The following RAB19 variants were observed in gnomAD, a reference collection of about 807,000 sequenced individuals.
RAB19 encodes the protein ras-related protein Rab-19.
Under a neutral mutation model 17.3 loss-of-function variants are expected in RAB19, and 21 were observed. That is an observed-to-expected ratio of 1.21 (90% CI 0.86 to 1.74). The LOEUF is 1.74. Among genes scored for constraint, RAB19 ranks in the 40% most tolerant of loss-of-function variants. The pLI is 0.00. For synonymous variants in RAB19, 126 were observed against 110.4 expected, an observed-to-expected ratio of 1.14 and a Z score of -0.88; for missense variants, 277 against 286.8, an observed-to-expected ratio of 0.97 and a Z score of 0.25.
At chr7:140,423,475 A>G (rs1799598301) in intron 3 of RAB19, among the ~76,000 whole-genome samples, 1 of 152,080 alleles carries the variant, frequency 6.6e-6, no homozygotes, top group Non-Finnish European at 1.5e-5. Flanking sequence ...GTCCATGCAT[A>G]CTATGGAATA....
At chr7:140,422,616 G>A (rs571300760) in intron 3 of RAB19, among the ~76,000 whole-genome samples, 1 of 149,900 alleles carries the variant, frequency 6.7e-6, no homozygotes, top group East Asian at 1.9e-4. Context: ...TCACTCCACT[G>A]CACTCCAGCC....
intron 3 of RAB19, among the ~76,000 whole-genome samples, chr7:140,425,147 G>A (rs370968609): frequency 1.4e-4 from 22 of 152,016 alleles, no homozygotes; most frequent in East Asian, 9.7e-4. Flanking sequence ...TTAGCCAGGC[G>A]TGGTGGCATT....
chr7:140,425,724 C>CAA (rs71761236), intron 3 of RAB19, among the ~76,000 whole-genome samples, 158 bp from the exon 4 acceptor site: 36,383 of 140,392 alleles, frequency 0.26, 4,621 homozygotes, highest in Non-Finnish European at 0.3. Flanking sequence ...AACTCCATCT[C>CAA]AAAAAAAAAA....
intron 2 of RAB19, chr7:140,411,014 C>A: frequency 7.3e-7 from 1 of 1,367,792 alleles, no homozygotes. Context: ...GTATTCAGAT[C>A]CACGGGCAGA....
At chr7:140,422,713 G>A (rs1051290694) in intron 3 of RAB19, among the ~76,000 whole-genome samples, 1 of 152,016 alleles carries the variant, frequency 6.6e-6, no homozygotes, top group Non-Finnish European at 1.5e-5. Context: ...TGATTTGAGA[G>A]GCTGACTGCT....
At position 140,407,741 on chromosome 7, in the gene RAB19, G is replaced by A. The variant is rs1182607982; in HGVS notation, c.95G>A (p.Cys32Tyr). The A allele has an allele frequency of 1.9e-6, 3 of 1,613,852 alleles. No individual in the cohort carries two copies. The highest frequency in any genetic ancestry group is 2.5e-6 in the Non-Finnish European group (3 of 1,179,980). ...GGGGATTCCAATGTGGGGAAGACGT[G>A]TGTGGTGCAGCATTTCAAGTCTGGA... ...LIGDSNVGKT[C>Y]VVQHFKSGVY... is the part of the protein sequence containing the mutation. The change falls in exon 2 of 4, where the codon TGT (cysteine) becomes TAT (tyrosine). Residue 32 changes from cysteine to tyrosine, a missense_variant. Physicochemically the swap from Cys to Tyr is radical, Grantham distance 194. Coordinates refer to ENST00000537763, the MANE Select transcript of RAB19 (RefSeq NM_001008749.3).
rs537552353 is a variant in RAB19 at position 140,413,093 on chromosome 7, T to C, written c.385+1036T>C. Among the ~76,000 whole-genome samples, 3 of 152,172 alleles carry C rather than the reference T, an allele frequency of 2.0e-5. No individual in the cohort carries two copies. The East Asian group carries it at 5.9e-4, about 30-fold the overall frequency. ...GTAAGCTGAGACTATACCATTGCAC[T>C]CCATATGGGTATCCAGTTTTCCCAG... is the stretch of plus-strand genomic sequence containing the variant. On this transcript the variant is annotated intron_variant, in intron 3 of 3. Coordinates refer to ENST00000537763, the MANE Select transcript of RAB19 (RefSeq NM_001008749.3).
At chr7:140,409,841 A>G (rs1219434005) in intron 2 of RAB19, among the ~76,000 whole-genome samples, 1 of 151,652 alleles carries the variant, frequency 6.6e-6, no homozygotes, top group Non-Finnish European at 1.5e-5. Flanking sequence ...AAAATACAAA[A>G]AATCAGCCGG....
In RAB19 at chr7:140,425,908, C is replaced by T. The variant is rs753408586; in HGVS notation, c.412C>T (p.Arg138Trp). 8 of 1,612,538 alleles carry T rather than the reference C, an allele frequency of 5.0e-6. No individual in the cohort carries two copies. Among genetic ancestry groups the T allele is most frequent in the African/African-American group, 2.7e-5 (2 of 74,850 alleles). Reference protein sequence around the residue: ...IGNKCDLWEKRHVLFEDACTL... With the variant: ...IGNKCDLWEKWHVLFEDACTL... ...AAATAAATGTGACCTCTGGGAAAAG[C>T]GGCACGTCCTGTTCGAGGATGCCTG... is the stretch of plus-strand genomic sequence containing the variant. The change falls in exon 4 of 4, where the codon CGG (arginine) becomes TGG (tryptophan). Residue 138 changes from arginine to tryptophan, a missense_variant. Arg to Trp is a moderately radical substitution (Grantham distance 101). Transcript: ENST00000537763.
rs1323672103 is a variant in RAB19 at position 140,427,295 on chromosome 7, C to T, written c.*1145C>T. On this transcript the variant is annotated 3_prime_UTR_variant, in exon 4 of 4. Coordinates refer to ENST00000537763, the MANE Select transcript of RAB19 (RefSeq NM_001008749.3). ...CCTCCCAAGTAGCTGGGACTACTGG[C>T]ACTCACTACCACGCCCAGCTCATTT... Among the ~76,000 whole-genome samples the T allele has an allele frequency of 2.6e-5, 4 of 151,614 alleles. No homozygotes were observed. The highest frequency in any genetic ancestry group is 4.4e-5 in the Non-Finnish European group (3 of 67,950).
chr7:140,424,615 C>CTATA (rs1199774395), intron 3 of RAB19, among the ~76,000 whole-genome samples: 2 of 72,486 alleles, frequency 2.8e-5, no homozygotes, highest in South Asian at 3.7e-4. Context: ...CTCTCTCTCT[C>CTATA]TCTCTATATA....
chr7:140,414,570 T>C (rs1799421390), intron 3 of RAB19, among the ~76,000 whole-genome samples: 1 of 152,206 alleles, frequency 6.6e-6, no homozygotes, highest in African/African-American at 2.4e-5. Flanking sequence ...CTTCCTTGGT[T>C]CTAGAAATGC....
intron 2 of RAB19, among the ~76,000 whole-genome samples, chr7:140,409,122 G>C (rs367617813): frequency 6.6e-6 from 1 of 151,684 alleles, no homozygotes; most frequent in Non-Finnish European, 1.5e-5. Flanking sequence ...CCAGCACTTC[G>C]GGAGGCCGAG....
At chr7:140,411,035 G>A (rs764155774) in intron 2 of RAB19, 2 of 1,367,740 alleles carry the variant, frequency 1.5e-6, no homozygotes, top group African/African-American at 1.5e-5. Context: ...CTCAAAAGAT[G>A]AGCCCCCAAA....
intron 3 of RAB19, among the ~76,000 whole-genome samples, chr7:140,414,812 G>A (rs1470274873): frequency 6.6e-6 from 1 of 152,150 alleles, no homozygotes; most frequent in Non-Finnish European, 1.5e-5. Context: ...GCACAGGAAT[G>A]ACCCCGGTGT....
At chr7:140,410,118 ATAGGTG>A (rs1367992367) in intron 2 of RAB19, among the ~76,000 whole-genome samples, 6 of 151,406 alleles carry the variant, frequency 4.0e-5, no homozygotes, top group African/African-American at 1.4e-4. Flanking sequence ...AATCTGGGTG[ATAGGTG>A]TATGAGGTTC....
chr7:140,426,144 T>C lies in RAB19; in HGVS notation c.648T>C (p.Thr216=), dbSNP rs1476022119. Residue 216 remains threonine (T), a synonymous_variant, in exon 4 of 4, where the codon ACT becomes ACC. Coordinates refer to ENST00000537763, the MANE Select transcript of RAB19 (RefSeq NM_001008749.3). ...GTCCAAGTGAAAAGACCCACTGCACTTGCTAAGATGTTTGCAAAGCCAGTT... is the reference window on the plus strand; with the variant it reads ...GTCCAAGTGAAAAGACCCACTGCACCTGCTAAGATGTTTGCAAAGCCAGTT... The part of the protein sequence containing the change: ...AQGPSEKTHC[T]C 1.9e-6 allele frequency: 3 copies of C among 1,612,572 alleles called. No individual in the cohort carries two copies. The highest frequency in any genetic ancestry group is 2.5e-6 in the Non-Finnish European group (3 of 1,179,312).
Position 140,407,711 on chromosome 7 carries a change from T to A in RAB19, c.65T>A (p.Leu22His). The A allele has an allele frequency of 1.9e-6, 3 of 1,613,882 alleles. No individual in the cohort carries two copies. In the Admixed American group the frequency reaches 5.0e-5, roughly 27 times the overall value. Reference sequence around the variant, plus strand: ...TTTGACTATTTGTTCAAGATTATCCTCATTGGGGATTCCAATGTGGGGAAG... The same window carrying A: ...TTTGACTATTTGTTCAAGATTATCCACATTGGGGATTCCAATGTGGGGAAG... ...ENFDYLFKII[L>H]IGDSNVGKTC... The change falls in exon 2 of 4, where the codon CTC (leucine) becomes CAC (histidine). Residue 22 changes from leucine to histidine, a missense_variant. Coordinates refer to ENST00000537763, the MANE Select transcript of RAB19 (RefSeq NM_001008749.3).
intron 3 of RAB19, among the ~76,000 whole-genome samples, chr7:140,414,695 A>C (rs1026195059): frequency 1.3e-5 from 2 of 152,176 alleles, no homozygotes; most frequent in Admixed American, 1.3e-4. Context: ...TGAATCCAGA[A>C]AAATTCGTGT....
Sources: gnomAD v4.1 joint callset for allele counts (sites outside exome capture counted in the v4.1 genomes callset) on GRCh38, gnomAD v4.1.1 for gene constraint, MANE v1.5 for transcripts, NCBI Gene and HGNC (gene_info 2026-07-23, HGNC 2026-07-21) for gene names.